ATP9B: variants seen among roughly 807,000 people sequenced by gnomAD.
ATP9B encodes probable phospholipid-transporting ATPase IIB.
In ATP9B, 110 loss-of-function variants were observed where a neutral mutation model predicts 146.1. That is an observed-to-expected ratio of 0.75 (90% confidence interval 0.65 to 0.88). The LOEUF is 0.88. ATP9B is among the 40% of genes least tolerant of loss of function. The pLI is 0.00. For missense variants in ATP9B, 1,499 were observed against 1,496.4 expected (o/e 1.00, Z -0.03); for synonymous variants, 604 against 569.7 (o/e 1.06, Z -0.86).
chr18:79,075,911 G>A (rs1320960313), intron 1 of ATP9B, among the ~76,000 whole-genome samples: 7 of 152,016 alleles, frequency 4.6e-5, no homozygotes, highest in African/African-American at 7.2e-5. Flanking sequence ...TATCTATAGC[G>A]TTCTTCAGTG....
intron 9 of ATP9B, 128 bp downstream of exon 9, chr18:79,193,391 T>C: frequency 1.3e-6 from 1 of 771,260 alleles, no homozygotes; most frequent in Non-Finnish European, 2.1e-6. Flanking sequence ...GGAAAACCTA[T>C]ATAATGTTTG....
At chr18:79,097,531 C>T (rs865812868) in intron 2 of ATP9B, among the ~76,000 whole-genome samples, 3 of 83,908 alleles carry the variant, frequency 3.6e-5, no homozygotes, top group African/African-American at 9.9e-5. Flanking sequence ...CCCCCTCCCC[C>T]CTCCCCACCA....
intron 13 of ATP9B, among the ~76,000 whole-genome samples, chr18:79,290,007 T>A (rs970301253): frequency 6.6e-6 from 1 of 152,082 alleles, no homozygotes; most frequent in East Asian, 1.9e-4. Context: ...CTGTGTGAGG[T>A]GTCAGTCTGC....
At chr18:79,073,965 C>G (rs570323179) in intron 1 of ATP9B, among the ~76,000 whole-genome samples, 1 of 152,178 alleles carries the variant, frequency 6.6e-6, no homozygotes, top group African/African-American at 2.4e-5. Flanking sequence ...AGATGGTTTT[C>G]GATTGTCTCT....
At chr18:79,070,206 A>G (rs192610310) in intron 1 of ATP9B, among the ~76,000 whole-genome samples, 1 of 152,240 alleles carries the variant, frequency 6.6e-6, no homozygotes, top group Middle Eastern at 3.2e-3. Context: ...AAAATTTTAA[A>G]AAGTGTTGCT....
chr18:79,163,680 T>C (rs756036727), intron 7 of ATP9B, among the ~76,000 whole-genome samples: 1 of 152,146 alleles, frequency 6.6e-6, no homozygotes, highest in Non-Finnish European at 1.5e-5. Context: ...TATATTTTTT[T>C]ATAATTCTTT....
chr18:79,303,252 T>C (rs552287548), intron 13 of ATP9B, among the ~76,000 whole-genome samples: 2 of 152,076 alleles, frequency 1.3e-5, no homozygotes, highest in African/African-American at 4.8e-5. Flanking sequence ...GTCCCAGCTA[T>C]TCGGGAAGCT....
At chr18:79,292,134 A>G (rs973195303) in intron 13 of ATP9B, among the ~76,000 whole-genome samples, 2 of 152,226 alleles carry the variant, frequency 1.3e-5, no homozygotes, top group African/African-American at 4.8e-5. Context: ...TTATCCATTC[A>G]TAAGGTGATG....
At chr18:79,214,379 G>T (rs1309036252) in intron 11 of ATP9B, among the ~76,000 whole-genome samples, 5 of 151,984 alleles carry the variant, frequency 3.3e-5, no homozygotes, top group African/African-American at 1.2e-4. Flanking sequence ...TATGTTGATG[G>T]TTCATTTTAA....
chr18:79,281,447 A>G (rs1284250426), intron 13 of ATP9B, among the ~76,000 whole-genome samples: 3 of 152,124 alleles, frequency 2.0e-5, no homozygotes, highest in Non-Finnish European at 4.4e-5. Context: ...TGGTGAGGCG[A>G]GATCACGCCA....
chr18:79,272,492 G>A (rs1029043659), intron 12 of ATP9B, among the ~76,000 whole-genome samples: 1 of 149,106 alleles, frequency 6.7e-6, no homozygotes, highest in East Asian at 2.0e-4. Context: ...TTCTCTCCCT[G>A]AGCTGTCTCC....
chr18:79,191,462 G>A (rs1461531947), intron 8 of ATP9B, among the ~76,000 whole-genome samples: 1 of 152,066 alleles, frequency 6.6e-6, no homozygotes, highest in African/African-American at 2.4e-5. Flanking sequence ...TTACATGCAT[G>A]TTAGACTCCG....
At chr18:79,339,274 AGT>A (rs1221717130) in intron 19 of ATP9B, among the ~76,000 whole-genome samples, 1 of 151,914 alleles carries the variant, frequency 6.6e-6, no homozygotes, top group Non-Finnish European at 1.5e-5. Context: ...CACAGTAGGA[AGT>A]GTGTCATGAT....
chr18:79,317,774 A>G (rs2096689809), intron 15 of ATP9B, among the ~76,000 whole-genome samples: 1 of 152,198 alleles, frequency 6.6e-6, no homozygotes, highest in Non-Finnish European at 1.5e-5. Context: ...GGGGTGGTGG[A>G]AACATGGCCA....
At chr18:79,356,834 ATG>A (rs528120097) in intron 25 of ATP9B, among the ~76,000 whole-genome samples, 71 of 49,182 alleles carry the variant, frequency 1.4e-3, no homozygotes, top group South Asian at 2.3e-3. Context: ...TGTGTGAGGG[ATG>A]CTCTGGGTCT....
intron 8 of ATP9B, among the ~76,000 whole-genome samples, chr18:79,179,928 C>G (rs1294373365): frequency 6.6e-6 from 1 of 152,192 alleles, no homozygotes; most frequent in Non-Finnish European, 1.5e-5. Context: ...CCTTTTGGCT[C>G]TGTTACCTGT....
rs1014671800 is a variant in ATP9B, at chr18:79,241,066, G to A, written c.1108-12315G>A. 2.6e-5 allele frequency among the ~76,000 whole-genome samples: 4 copies of A among 152,292 alleles called. No homozygotes were observed. In the East Asian group the frequency reaches 5.8e-4, roughly 22 times the overall value. On this transcript the variant is annotated intron_variant, in intron 11 of 29. Coordinates refer to ENST00000426216, the MANE Select transcript of ATP9B (RefSeq NM_198531.5). ...AGGGCTATTGGGTTGTAAGCTGCTTGTGGTCATGAGGGTGGAAAAATGAAT... is the reference window on the plus strand; with the variant it reads ...AGGGCTATTGGGTTGTAAGCTGCTTATGGTCATGAGGGTGGAAAAATGAAT...
intron 8 of ATP9B, among the ~76,000 whole-genome samples, chr18:79,192,454 C>G (rs1337198773): frequency 1.3e-5 from 2 of 152,210 alleles, no homozygotes; most frequent in Non-Finnish European, 2.9e-5. Context: ...AAGCATACAG[C>G]AGAGTCAGCA....
chr18:79,294,304 C>A (rs1213848780), intron 13 of ATP9B, among the ~76,000 whole-genome samples: 2 of 152,174 alleles, frequency 1.3e-5, no homozygotes, highest in Non-Finnish European at 2.9e-5. Context: ...ATGATGAATT[C>A]GTGGGCCTAG....
Sources: allele counts gnomAD v4.1 joint callset (sites outside exome capture counted in the v4.1 genomes callset), GRCh38; gene constraint gnomAD v4.1.1; transcripts MANE v1.5; gene names NCBI Gene and HGNC (gene_info 2026-07-23, HGNC 2026-07-21).